Variants in CACNA2D1 observed in about 807,000 individuals in gnomAD.
The protein encoded by CACNA2D1 is voltage-dependent calcium channel subunit alpha-2/delta-1.
In CACNA2D1, 53 loss-of-function variants were observed where a neutral mutation model predicts 171.5. That is an observed-to-expected ratio of 0.31 (90% CI 0.25 to 0.39). CACNA2D1 has a LOEUF of 0.39. Among genes scored for constraint, CACNA2D1 ranks in the 10% least tolerant of loss-of-function variants. The pLI is 1.00. For synonymous variants in CACNA2D1, 442 were observed against 443.1 expected, an observed-to-expected ratio of 1.00 and a Z score of 0.03; for missense variants, 903 against 1,299.8, an observed-to-expected ratio of 0.69 and a Z score of 4.69.
intron 3 of CACNA2D1, among the ~76,000 whole-genome samples, chr7:82,318,440 T>G (rs1173301002): frequency 2.6e-5 from 4 of 152,078 alleles, no homozygotes; most frequent in Non-Finnish European, 5.9e-5. Context: ...TTTTCACACA[T>G]AAAAAACTAA....
At chr7:82,252,045 A>G (rs886321819) in intron 3 of CACNA2D1, among the ~76,000 whole-genome samples, 1 of 152,210 alleles carries the variant, frequency 6.6e-6, no homozygotes, top group African/African-American at 2.4e-5. Context: ...GTCATTTACT[A>G]TATTTTATTT....
At chr7:81,983,257 A>T in intron 23 of CACNA2D1, 57 bp downstream of exon 23, 1 of 1,389,754 alleles carries the variant, frequency 7.2e-7, no homozygotes, top group Non-Finnish European at 1.0e-6. Context: ...GGAAAATATC[A>T]GTGGAAATGT....
At chr7:82,301,774 T>TAG (rs1159758230) in intron 3 of CACNA2D1, among the ~76,000 whole-genome samples, 34 of 108,484 alleles carry the variant, frequency 3.1e-4, no homozygotes, top group South Asian at 1.5e-3. Flanking sequence ...CACACACACA[T>TAG]AGAGAGAGAG....
At chr7:82,311,211 T>A (rs975816251) in intron 3 of CACNA2D1, among the ~76,000 whole-genome samples, 1 of 152,120 alleles carries the variant, frequency 6.6e-6, no homozygotes. Flanking sequence ...CTTATTCTGA[T>A]GCTTTTTGTC....
intron 3 of CACNA2D1, among the ~76,000 whole-genome samples, chr7:82,305,925 A>G (rs1049269928): frequency 2.6e-5 from 4 of 152,176 alleles, no homozygotes; most frequent in African/African-American, 9.7e-5. Context: ...CTTACTAGTC[A>G]GATACCCAGG....
intron 1 of CACNA2D1, among the ~76,000 whole-genome samples, chr7:82,394,596 T>C (rs1005964146): frequency 1.3e-5 from 2 of 152,174 alleles, no homozygotes; most frequent in East Asian, 3.9e-4. Flanking sequence ...GAATCATTCC[T>C]GAAGCGGCAA....
intron 38 of CACNA2D1, among the ~76,000 whole-genome samples, chr7:81,952,312 A>G (rs1057440000): frequency 2.0e-4 from 31 of 152,108 alleles, no homozygotes; most frequent in Admixed American, 1.6e-3. Flanking sequence ...CCAAAGAATA[A>G]GAACTTTGGC....
chr7:82,346,884 C>G (rs186246105), intron 2 of CACNA2D1, among the ~76,000 whole-genome samples: 1 of 152,278 alleles, frequency 6.6e-6, no homozygotes, highest in Admixed American at 6.5e-5. Flanking sequence ...AACATATGTT[C>G]TAAAGCATAC....
intron 3 of CACNA2D1, among the ~76,000 whole-genome samples, chr7:82,177,770 A>G (rs1400050729): frequency 1.3e-5 from 2 of 152,140 alleles, no homozygotes; most frequent in African/African-American, 2.4e-5. Context: ...ATTCTAAATC[A>G]TAACTTAAGC....
chr7:82,173,938 G>A (rs919963777), intron 3 of CACNA2D1, among the ~76,000 whole-genome samples: 1 of 150,594 alleles, frequency 6.6e-6, no homozygotes, highest in Admixed American at 6.7e-5. Context: ...AGCTACTCAG[G>A]GGGCTGAGGC....
In CACNA2D1 at chr7:82,335,255, T is replaced by C. The variant is rs1311684528; in HGVS notation, c.178-4A>G. The C allele has an allele frequency of 1.9e-6, 3 of 1,546,408 alleles. No homozygotes were observed. The Admixed American group carries it at 5.1e-5, about 26-fold the overall frequency. ...AATCTTGATATTTCTCATAAATCTG[T>C]GTGAAAGAAAAAAAAAACTAGTAAG... is the stretch of plus-strand genomic sequence containing the variant. On this transcript the variant is annotated splice_polypyrimidine_tract_variant and splice_region_variant and intron_variant, in intron 2 of 38. Coordinates refer to ENST00000356860, the MANE Select transcript of CACNA2D1 (RefSeq NM_000722.4).
At chr7:82,051,280 G>T (rs1405396555) in intron 10 of CACNA2D1, among the ~76,000 whole-genome samples, 2 of 152,130 alleles carry the variant, frequency 1.3e-5, no homozygotes, top group African/African-American at 4.8e-5. Context: ...CTGGGAAAGG[G>T]CTCACCTTCC....
chr7:81,960,043 AAT>A (rs1318669911), intron 36 of CACNA2D1, among the ~76,000 whole-genome samples: 13 of 152,090 alleles, frequency 8.5e-5, no homozygotes, highest in Admixed American at 1.3e-4. Flanking sequence ...AAAAAATTGC[AAT>A]ATATGTTTTA....
In CACNA2D1 at chr7:82,037,497, AT is replaced by A. The variant is rs1803437463; in HGVS notation, c.1038+579del. On this transcript the variant is annotated intron_variant, in intron 11 of 38. Coordinates refer to ENST00000356860, the MANE Select transcript of CACNA2D1 (RefSeq NM_000722.4). The stretch of plus-strand genomic sequence containing the variant: ...TCCATTTCAAAAAAAAAAAAGACAC[AT>A]GCTATAACATGGGGCAATAAGCACG... Among the ~76,000 whole-genome samples, 5 of 151,618 alleles carry A rather than the reference AT, an allele frequency of 3.3e-5. No homozygotes were observed. The South Asian group carries it at 1.0e-3, about 32-fold the overall frequency.
At chr7:82,152,640 G>A (rs1244928878) in intron 4 of CACNA2D1, among the ~76,000 whole-genome samples, 1 of 152,024 alleles carries the variant, frequency 6.6e-6, no homozygotes, top group South Asian at 2.1e-4. Flanking sequence ...AGAAATTGGG[G>A]AGGGGGAGAA....
Position 82,114,888 on chromosome 7 carries a change from T to C in CACNA2D1, c.526+2156A>G, listed in dbSNP as rs2129051926. Among the ~76,000 whole-genome samples, 3 of 152,244 alleles carry C rather than the reference T, an allele frequency of 2.0e-5. 1 individual carries two copies. In the South Asian group the frequency reaches 6.2e-4, roughly 32 times the overall value. On this transcript the variant is annotated intron_variant, in intron 6 of 38. Transcript: ENST00000356860. ...TAACTTCTTTTACACATCAGTCTTC[T>C]ACGTAAATACATGTTGTAAACAAAA...
At chr7:82,316,221 C>A (rs1815104623) in intron 3 of CACNA2D1, among the ~76,000 whole-genome samples, 1 of 152,044 alleles carries the variant, frequency 6.6e-6, no homozygotes, top group Admixed American at 6.6e-5. Flanking sequence ...ACTGTTTTAA[C>A]AGTATTCAAC....
At chr7:82,314,407 A>G (rs1230587418) in intron 3 of CACNA2D1, among the ~76,000 whole-genome samples, 1 of 152,178 alleles carries the variant, frequency 6.6e-6, no homozygotes, top group South Asian at 2.1e-4. Context: ...TTTTCATTCC[A>G]TTCTTCCAAA....
At chr7:82,030,412 A>C (rs560034642) in intron 12 of CACNA2D1, among the ~76,000 whole-genome samples, 14 of 151,524 alleles carry the variant, frequency 9.2e-5, no homozygotes, top group African/African-American at 3.1e-4. Flanking sequence ...AACAGGAAAA[A>C]AAAAAACAAA....
Sources: allele counts gnomAD v4.1 joint callset (sites outside exome capture counted in the v4.1 genomes callset), GRCh38; gene constraint gnomAD v4.1.1; transcripts MANE v1.5; gene names NCBI Gene and HGNC (gene_info 2026-07-23, HGNC 2026-07-21).